The following FMNL2 variants were observed in gnomAD, a reference collection of about 807,000 sequenced individuals.
FMNL2 encodes the protein formin like 2, also known as formin-like protein 2.
A neutral mutation model predicts 130.2 loss-of-function variants in FMNL2; 51 were observed. That is an observed-to-expected ratio of 0.39 (90% CI 0.31 to 0.49). The LOEUF (loss-of-function observed/expected upper bound fraction) is 0.49. Ranked by LOEUF, FMNL2 falls within the 20% of genes least tolerant of loss-of-function variation. The probability of loss-of-function intolerance (pLI) is 0.85; values close to 1 mark genes in which losing one functional copy is unlikely to be tolerated. For synonymous variants in FMNL2, 465 were observed against 467.1 expected, an observed-to-expected ratio of 1.00 and a Z score of 0.06; for missense variants, 977 against 1,316.2, an observed-to-expected ratio of 0.74 and a Z score of 3.99.
chr2:152,524,360 G>A (rs1260667736), intron 2 of FMNL2, among the ~76,000 whole-genome samples: 6 of 152,102 alleles, frequency 3.9e-5, no homozygotes, highest in Admixed American at 3.9e-4. Context: ...AGCTTCTAGT[G>A]GGTCTCAAAG....
intron 1 of FMNL2, among the ~76,000 whole-genome samples, chr2:152,338,838 C>CACACACACACAT (rs1560277912): frequency 2.0e-5 from 3 of 151,848 alleles, no homozygotes; most frequent in African/African-American, 7.3e-5. Context: ...CACACACACA[C>CACACACACACAT]ACACACACAC....
intron 7 of FMNL2, among the ~76,000 whole-genome samples, chr2:152,578,032 T>C (rs1045687432): frequency 2.0e-5 from 3 of 152,028 alleles, no homozygotes; most frequent in African/African-American, 4.8e-5. Flanking sequence ...CTGGAACATA[T>C]GATGTTCGTG....
intron 1 of FMNL2, among the ~76,000 whole-genome samples, chr2:152,409,620 A>G (rs1485272891): frequency 6.6e-6 from 1 of 152,218 alleles, no homozygotes. Context: ...TGCCACCAAC[A>G]TGACTGCTAA....
intron 1 of FMNL2, among the ~76,000 whole-genome samples, chr2:152,359,777 T>C (rs1208885756): frequency 6.6e-6 from 1 of 152,154 alleles, no homozygotes; most frequent in African/African-American, 2.4e-5. Context: ...CAAATGGGGG[T>C]TTCTCTACTT....
At chr2:152,383,560 C>A (rs1001023205) in intron 1 of FMNL2, among the ~76,000 whole-genome samples, 2 of 151,794 alleles carry the variant, frequency 1.3e-5, no homozygotes, top group African/African-American at 4.8e-5. Context: ...CATAATAAGA[C>A]CCTGTTTCAA....
rs571578642 is a variant in FMNL2 at position 152,520,816 on chromosome 2, C to A, written c.118-1127C>A. The stretch of plus-strand genomic sequence containing the variant: ...ACCTTTGCCTCTGTTAAACTTGTTT[C>A]ACCCTATAACACAAGACAATAACCA... On this transcript the variant is annotated intron_variant, in intron 1 of 25. Transcript: ENST00000288670. Among the ~76,000 whole-genome samples, 8 of 152,252 alleles carry A rather than the reference C, an allele frequency of 5.3e-5. No homozygotes were observed. The South Asian group carries it at 1.2e-3, about 24-fold the overall frequency.
intron 6 of FMNL2, among the ~76,000 whole-genome samples, chr2:152,573,525 C>T (rs1479934009): frequency 6.6e-6 from 1 of 152,160 alleles, no homozygotes; most frequent in East Asian, 1.9e-4. Context: ...TGTAATGTCT[C>T]TGGGCTTCCG....
intron 1 of FMNL2, among the ~76,000 whole-genome samples, chr2:152,443,216 A>G (rs1688157895): frequency 6.6e-6 from 1 of 152,148 alleles, no homozygotes; most frequent in Non-Finnish European, 1.5e-5. Context: ...GGAGCACTCA[A>G]TGAGCAGATT....
intron 17 of FMNL2, among the ~76,000 whole-genome samples, chr2:152,627,744 C>T (rs1383730340): frequency 6.6e-6 from 1 of 152,170 alleles, no homozygotes; most frequent in African/African-American, 2.4e-5. Flanking sequence ...CCAAAAAGAA[C>T]TTCAAGGAAT....
chr2:152,607,536 C>T, intron 10 of FMNL2, 123 bp downstream of exon 10: 14 of 717,086 alleles, frequency 2.0e-5, no homozygotes, highest in Non-Finnish European at 2.8e-5. Flanking sequence ...CAGGGAATTG[C>T]AATTAATATG....
Position 152,352,048 on chromosome 2 carries a change from C to A in FMNL2, c.117+16328C>A, listed in dbSNP as rs528848897. 1.9e-4 allele frequency among the ~76,000 whole-genome samples: 29 copies of A among 152,294 alleles called. No homozygotes were observed. In the South Asian group the frequency reaches 5.8e-3, roughly 30 times the overall value. On this transcript the variant is annotated intron_variant, in intron 1 of 25. Coordinates refer to ENST00000288670, the MANE Select transcript of FMNL2 (RefSeq NM_052905.4). ...AGCCACAAAAGAAAAGTGGGCAATT[C>A]TGACTTAGAACTCTCAGACCTCTAG...
intron 2 of FMNL2, among the ~76,000 whole-genome samples, chr2:152,527,205 T>C (rs1693436547): frequency 6.6e-6 from 1 of 152,218 alleles, no homozygotes; most frequent in Admixed American, 6.5e-5. Context: ...TCATTACAGA[T>C]TGATGTTGAA....
At chr2:152,382,158 A>G (rs1684509085) in intron 1 of FMNL2, among the ~76,000 whole-genome samples, 1 of 152,180 alleles carries the variant, frequency 6.6e-6, no homozygotes. Context: ...ACTTAATAGG[A>G]GGTAAATATA....
intron 9 of FMNL2, among the ~76,000 whole-genome samples, chr2:152,596,539 CT>C (rs1190875581): frequency 6.6e-6 from 1 of 152,138 alleles, no homozygotes; most frequent in East Asian, 1.9e-4. Flanking sequence ...CCCTGGAGCC[CT>C]TTTTATGCTC....
At chr2:152,429,442 A>G (rs1232927237) in intron 1 of FMNL2, among the ~76,000 whole-genome samples, 1 of 152,168 alleles carries the variant, frequency 6.6e-6, no homozygotes, top group East Asian at 1.9e-4. Flanking sequence ...TTTTCTTTTC[A>G]GCACCATTTC....
chr2:152,487,261 C>T (rs930362276), intron 1 of FMNL2, among the ~76,000 whole-genome samples: 2 of 152,158 alleles, frequency 1.3e-5, no homozygotes, highest in African/African-American at 2.4e-5. Flanking sequence ...TTGTTTTGCA[C>T]TCAGTACTTA....
chr2:152,503,077 G>A (rs1366073160), intron 1 of FMNL2, among the ~76,000 whole-genome samples: 1 of 152,186 alleles, frequency 6.6e-6, no homozygotes. Flanking sequence ...GGACAAAATG[G>A]TATTAAAGAG....
intron 1 of FMNL2, among the ~76,000 whole-genome samples, chr2:152,339,076 TA>T (rs1681651732): frequency 6.6e-6 from 1 of 152,270 alleles, no homozygotes; most frequent in South Asian, 2.1e-4. Context: ...CCATTGTATT[TA>T]TTAACCATTG....
At chr2:152,383,433 T>C (rs1215932222) in intron 1 of FMNL2, among the ~76,000 whole-genome samples, 1 of 152,016 alleles carries the variant, frequency 6.6e-6, no homozygotes, top group East Asian at 1.9e-4. Context: ...TGTTGTAAGC[T>C]TAAAATGTTC....
Sources: gnomAD v4.1 joint callset for allele counts (sites outside exome capture counted in the v4.1 genomes callset) on GRCh38, gnomAD v4.1.1 for gene constraint, MANE v1.5 for transcripts, NCBI Gene and HGNC (gene_info 2026-07-23, HGNC 2026-07-21) for gene names.